The following CLN5 variants were observed in gnomAD, a reference collection of about 807,000 sequenced individuals.
CLN5 encodes CLN5 lysosomal BMP synthase.
CLN5 carries 34 observed loss-of-function variants against 36.7 expected under a neutral mutation model. That is an observed-to-expected ratio of 0.93 (90% CI 0.71 to 1.23). CLN5 has a LOEUF of 1.23. CLN5 is among the 50% of genes most tolerant of loss of function. CLN5 has a pLI of 0.00. For synonymous variants in CLN5, 151 were observed against 155.1 expected, an observed-to-expected ratio of 0.97 and a Z score of 0.20; for missense variants, 427 against 439.4, an observed-to-expected ratio of 0.97 and a Z score of 0.25.
chr13:76,992,325 GGA>G, intron 1 of CLN5, 54 bp downstream of exon 1: 24 of 1,465,936 alleles, frequency 1.6e-5, no homozygotes, highest in East Asian at 2.5e-5. Flanking sequence ...TGACGATGGG[GGA>G]TGGGGTGCTG....
At chr13:76,998,318 C>A (rs1361690908) in intron 3 of CLN5, 1 of 152,162 alleles carries the variant, frequency 6.6e-6, no homozygotes, top group East Asian at 1.9e-4. Flanking sequence ...GTTCAGCAAT[C>A]CTTTCATTGG....
At chr13:76,995,700 G>T (rs992453669) in intron 2 of CLN5, 6 of 630,654 alleles carry the variant, frequency 9.5e-6, no homozygotes, top group African/African-American at 9.1e-5. Flanking sequence ...AGCCAAATAG[G>T]GGTGTAGTGG....
At position 77,004,825 on chromosome 13, in the gene CLN5, A is replaced by C. The variant is rs1055389975; in HGVS notation, c.*3856A>C. 1.3e-5 allele frequency: 2 copies of C among 152,192 alleles called. No individual in the cohort carries two copies. The highest frequency in any genetic ancestry group is 4.8e-5 in the African/African-American group (2 of 41,456). 9.4% of individuals were successfully genotyped at this position (152,192 alleles called of 1,614,324 possible). ...CTATTTTTTCTGATATGGTTACAAC[A>C]GCCCAAATTACCAAGATAAGTTGAA... On this transcript the variant is annotated 3_prime_UTR_variant, in exon 4 of 4. Coordinates refer to ENST00000377453, the MANE Select transcript of CLN5 (RefSeq NM_006493.4).
In CLN5 at chr13:77,004,358, T is replaced by C. The variant is rs2034414231; in HGVS notation, c.*3389T>C. The stretch of plus-strand genomic sequence containing the variant: ...AAAGGCAAACAGGCTGGCCAAAGTG[T>C]TTCCAGCATCTTCGTCATATTTACC... On this transcript the variant is annotated 3_prime_UTR_variant, in exon 4 of 4. Transcript: ENST00000377453. The C allele has an allele frequency of 6.6e-6, 1 of 152,224 alleles. No homozygotes were observed. The highest frequency in any genetic ancestry group is 6.5e-5 in the Admixed American group (1 of 15,278). 9.4% of individuals were successfully genotyped at this position (152,224 alleles called of 1,614,324 possible).
rs2034360439 is a variant in CLN5, at chr13:77,001,378, T to A, written c.*409T>A. On this transcript the variant is annotated 3_prime_UTR_variant, in exon 4 of 4. Coordinates refer to ENST00000377453, the MANE Select transcript of CLN5 (RefSeq NM_006493.4). ...TCTTTCTGATATGGCAGTTACACTT[T>A]TTCACTTAAGTGCTTTAGTTTAGAC... 1 of 164,604 alleles carries A rather than the reference T, an allele frequency of 6.1e-6. No individual in the cohort carries two copies. Among genetic ancestry groups the A allele is most frequent in the Admixed American group, 6.1e-5 (1 of 16,280 alleles). 10.2% of individuals were successfully genotyped at this position (164,604 alleles called of 1,614,324 possible).
rs1312366673 is a variant in CLN5 at position 77,000,384 on chromosome 13, A to T, written c.566-74A>T. On this transcript the variant is annotated intron_variant, in intron 3 of 3. Transcript: ENST00000377453. ...TCGGCAACAGAGGGAGACCTGTCTTAAAAAAAAAAAAAAAAAAAATTAACA... is the reference window on the plus strand; with the variant it reads ...TCGGCAACAGAGGGAGACCTGTCTTTAAAAAAAAAAAAAAAAAAATTAACA... 1.4e-3 allele frequency: 178 copies of T among 128,354 alleles called. 1 individual carries two copies. The highest frequency in any genetic ancestry group is 4.3e-4 in the South Asian group (2 of 4,688). 8.0% of individuals were successfully genotyped at this position (128,354 alleles called of 1,614,324 possible).
chr13:76,992,280 G>T lies in CLN5; in HGVS notation c.173+9G>T, dbSNP rs931635211. ...TGGCCGGTGCCCTACAAGTGAGTGC[G>T]GCGGCGCGCGCACTGTCGGGGTTGG... On this transcript the variant is annotated intron_variant, in intron 1 of 3. Coordinates refer to ENST00000377453, the MANE Select transcript of CLN5 (RefSeq NM_006493.4). 7 of 1,552,616 alleles carry T rather than the reference G, an allele frequency of 4.5e-6. No individual in the cohort carries two copies. Among genetic ancestry groups the T allele is most frequent in the African/African-American group, 1.4e-5 (1 of 73,460 alleles).
intron 1 of CLN5, chr13:76,993,029 C>A (rs757982716): frequency 6.6e-6 from 1 of 152,204 alleles, no homozygotes; most frequent in African/African-American, 2.4e-5. Context: ...AGCTATTTTT[C>A]TTTAAACCAA....
intron 3 of CLN5, 147 bp downstream of exon 3, chr13:76,996,274 T>A (rs1490899414): frequency 1.5e-6 from 1 of 677,852 alleles, no homozygotes; most frequent in African/African-American, 1.8e-5. Context: ...ACTTTGGGAA[T>A]TTTTTTCATC....
rs138611001 is a variant in CLN5 at position 77,000,471 on chromosome 13, C to A, written c.579C>A (p.Asn193Lys). 0.013 allele frequency: 21,394 copies of A among 1,611,868 alleles called. 168 individuals carry two copies. Among genetic ancestry groups the A allele is most frequent in the Non-Finnish European group, 0.016 (18,673 of 1,179,248 alleles). ...TTTTTAAACTAGGAAACATGTTCAA[C>A]CAAATGGCAAAGTGGGTGAAACAGG... is the stretch of plus-strand genomic sequence containing the variant. Reference protein sequence around the residue: ...QVATISGNMFNQMAKWVKQDN... With the variant: ...QVATISGNMFKQMAKWVKQDN... The change falls in exon 4 of 4, where the codon AAC becomes AAA. Residue 193 changes from asparagine (N) to lysine (K), a missense_variant. Coordinates refer to ENST00000377453, the MANE Select transcript of CLN5 (RefSeq NM_006493.4).
At position 77,000,498 on chromosome 13, in the gene CLN5, CAATG is replaced by C; in HGVS notation, c.609_612del (p.Asn203LysfsTer11). 1 of 1,612,880 alleles carries C rather than the reference CAATG, an allele frequency of 6.2e-7. No homozygotes were observed. Reference sequence around the variant, plus strand: ...AAATGGCAAAGTGGGTGAAACAGGACAATGAAACAGGAATTTATTATGAGACATG... The same window carrying C: ...AAATGGCAAAGTGGGTGAAACAGGACAAACAGGAATTTATTATGAGACATG... On this transcript the variant is annotated frameshift_variant, in exon 4 of 4. Coordinates refer to ENST00000377453, the MANE Select transcript of CLN5 (RefSeq NM_006493.4). LOFTEE classifies it high-confidence loss of function.
chr13:76,992,282 C>T lies in CLN5; in HGVS notation c.173+11C>T. The T allele has an allele frequency of 7.1e-7, 1 of 1,403,336 alleles. No individual in the cohort carries two copies. Among genetic ancestry groups the T allele is most frequent in the South Asian group, 1.2e-5 (1 of 83,894 alleles). The allele number at this position is 1,403,336 out of a possible 1,614,324, so 86.9% of individuals were successfully genotyped here. A position where few individuals can be genotyped will look rare whatever the true frequency, so the allele number is the denominator to read the frequency against. On this transcript the variant is annotated intron_variant, in intron 1 of 3. Transcript: ENST00000377453. ...GCCGGTGCCCTACAAGTGAGTGCGG[C>T]GGCGCGCGCACTGTCGGGGTTGGGG...
chr13:76,992,227 G>A lies in CLN5; in HGVS notation c.129G>A (p.Arg43=), dbSNP rs746845935. 5.0e-6 allele frequency: 8 copies of A among 1,596,708 alleles called. No individual in the cohort carries two copies. Among genetic ancestry groups the A allele is most frequent in the Admixed American group, 3.4e-5 (2 of 58,940 alleles). Residue 43 remains arginine (R), a synonymous_variant, in exon 1 of 4, where the codon CGG becomes CGA. Coordinates refer to ENST00000377453, the MANE Select transcript of CLN5 (RefSeq NM_006493.4). ...TCGCGGTGGTTCCGGGCTGGTCCCGGGTCTCGGGCATCCCCTCCCGGCGCC... is the reference window on the plus strand; with the variant it reads ...TCGCGGTGGTTCCGGGCTGGTCCCGAGTCTCGGGCATCCCCTCCCGGCGCC... ...LWLAVVPGWS[R]VSGIPSRRHW...
rs1131691423 is a variant in CLN5, at chr13:76,992,240, C to T, written c.142C>T (p.Pro48Ser). The change falls in exon 1 of 4, where the codon CCC becomes TCC. Residue 48 changes from proline to serine, a missense_variant. Transcript: ENST00000377453. ...VPGWSRVSGIPSRRHWPVPYK... is the reference protein window; with the variant it reads ...VPGWSRVSGISSRRHWPVPYK... Reference sequence around the variant, plus strand: ...GGGCTGGTCCCGGGTCTCGGGCATCCCCTCCCGGCGCCACTGGCCGGTGCC... The same window carrying T: ...GGGCTGGTCCCGGGTCTCGGGCATCTCCTCCCGGCGCCACTGGCCGGTGCC... 2 of 1,588,626 alleles carry T rather than the reference C, an allele frequency of 1.3e-6. No homozygotes were observed. The highest frequency in any genetic ancestry group is 2.3e-5 in the East Asian group (1 of 44,252).
chr13:76,994,456 T>G (rs2034231007), intron 1 of CLN5: 1 of 152,546 alleles, frequency 6.6e-6, no homozygotes, highest in South Asian at 2.1e-4. Context: ...CCTTCCTGTG[T>G]GCCCATAGGA....
intron 2 of CLN5, 147 bp downstream of exon 2, chr13:76,995,375 T>C: frequency 1.3e-6 from 1 of 741,040 alleles, no homozygotes; most frequent in South Asian, 1.5e-5. Flanking sequence ...TAGTCAAAAA[T>C]AGTTACTATC....
At chr13:76,994,100 G>C (rs1450082525) in intron 1 of CLN5, 2 of 152,188 alleles carry the variant, frequency 1.3e-5, no homozygotes, top group South Asian at 2.1e-4. Flanking sequence ...GTGAAATAAG[G>C]TTTACTTTAT....
intron 2 of CLN5, 118 bp from the exon 3 acceptor site, chr13:76,995,784 A>G: frequency 1.2e-6 from 1 of 801,216 alleles, no homozygotes; most frequent in Non-Finnish European, 2.2e-6. Flanking sequence ...ATGGAAGAAC[A>G]GCTGAACAGT....
At position 77,000,670 on chromosome 13, in the gene CLN5, T is replaced by C. The variant is rs1399956851; in HGVS notation, c.778T>C (p.Phe260Leu). 1.2e-6 allele frequency: 2 copies of C among 1,614,132 alleles called. No individual in the cohort carries two copies. Among genetic ancestry groups the C allele is most frequent in the African/African-American group, 1.3e-5 (1 of 75,058 alleles). The change falls in exon 4 of 4, where the codon TTT (phenylalanine) becomes CTT (leucine). Residue 260 changes from phenylalanine to leucine, a missense_variant. Phe to Leu is a conservative substitution (Grantham distance 22). Transcript: ENST00000377453. ...KNIETNYTRIFLYSGEPTYLG... is the reference protein window; with the variant it reads ...KNIETNYTRILLYSGEPTYLG... ...CATAGAAACCAACTATACAAGAATATTTCTTTACAGTGGAGAACCTACTTA... is the reference window on the plus strand; with the variant it reads ...CATAGAAACCAACTATACAAGAATACTTCTTTACAGTGGAGAACCTACTTA...
Sources: allele counts gnomAD v4.1 joint callset, GRCh38; gene constraint gnomAD v4.1.1; transcripts MANE v1.5; gene names NCBI Gene and HGNC (gene_info 2026-07-23, HGNC 2026-07-21).